Variants in PTPRN2 observed in about 807,000 individuals in gnomAD.
PTPRN2 encodes protein tyrosine phosphatase receptor type N2, also known as receptor-type tyrosine-protein phosphatase N2.
PTPRN2 carries 74 observed loss-of-function variants against 118.8 expected under a neutral mutation model. That is an observed-to-expected ratio of 0.62 (90% CI 0.52 to 0.76). PTPRN2 has a LOEUF of 0.76. PTPRN2 is among the 30% of genes least tolerant of loss of function. The pLI is 0.00. For synonymous variants in PTPRN2, 641 were observed against 608.0 expected (o/e 1.05, Z -0.80); for missense variants, 1,481 against 1,394.4 (o/e 1.06, Z -0.99).
chr7:158,105,090 C>T (rs1815565161), intron 10 of PTPRN2, among the ~76,000 whole-genome samples: 1 of 149,720 alleles, frequency 6.7e-6, no homozygotes, highest in African/African-American at 2.5e-5. Flanking sequence ...GCTCCATCCT[C>T]AGCTCCTTCC....
chr7:158,521,223 C>G (rs972317373), intron 1 of PTPRN2, among the ~76,000 whole-genome samples: 1 of 152,086 alleles, frequency 6.6e-6, no homozygotes, highest in Non-Finnish European at 1.5e-5. Context: ...TTGGTCGACT[C>G]AGGCAGAACC....
At chr7:158,132,615 CAT>C (rs1207831289) in intron 9 of PTPRN2, among the ~76,000 whole-genome samples, 34 of 151,962 alleles carry the variant, frequency 2.2e-4, no homozygotes, top group African/African-American at 8.2e-4. Context: ...GTCTACCCAA[CAT>C]ACACACTCAT....
At chr7:158,347,596 G>A (rs1304856878) in intron 2 of PTPRN2, among the ~76,000 whole-genome samples, 2 of 152,052 alleles carry the variant, frequency 1.3e-5, no homozygotes, top group East Asian at 1.9e-4. Context: ...GGTTTTATGT[G>A]GTTCCATATG....
rs1344022880 is a variant in PTPRN2, at chr7:158,234,710, C to T, written c.278-29437G>A. 2.0e-5 allele frequency among the ~76,000 whole-genome samples: 3 copies of T among 152,186 alleles called. 1 individual carries two copies. Among genetic ancestry groups the T allele is most frequent in the Non-Finnish European group, 4.4e-5 (3 of 68,030 alleles). ...ACAAATGGCCAACAGATATAGTCAT[C>T]AGAGAAATACAAATCAAAATCACAA... is the stretch of plus-strand genomic sequence containing the variant. On this transcript the variant is annotated intron_variant, in intron 3 of 22. Coordinates refer to ENST00000389418, the MANE Select transcript of PTPRN2 (RefSeq NM_002847.5).
intron 12 of PTPRN2, among the ~76,000 whole-genome samples, chr7:157,727,564 G>C (rs10236443): frequency 0.061 from 9,276 of 152,240 alleles, 499 homozygotes; most frequent in African/African-American, 0.14. Flanking sequence ...TGGGGACAGA[G>C]TTCCAGTTTG....
chr7:158,100,060 G>A (rs1815101454), intron 10 of PTPRN2, among the ~76,000 whole-genome samples: 1 of 151,800 alleles, frequency 6.6e-6, no homozygotes, highest in Non-Finnish European at 1.5e-5. Flanking sequence ...AGTCTCCAAA[G>A]TCCTTATGTC....
intron 21 of PTPRN2, among the ~76,000 whole-genome samples, chr7:157,552,269 A>T (rs1288128127): frequency 1.3e-5 from 2 of 152,200 alleles, no homozygotes; most frequent in African/African-American, 4.8e-5. Context: ...AACATAACTA[A>T]ATAGCTTCCC....
intron 1 of PTPRN2, among the ~76,000 whole-genome samples, chr7:158,516,575 C>T (rs1377273588): frequency 6.6e-6 from 1 of 151,184 alleles, no homozygotes; most frequent in Non-Finnish European, 1.5e-5. Context: ...GTTCTTGGTG[C>T]TCCTGCCTAT....
intron 2 of PTPRN2, among the ~76,000 whole-genome samples, chr7:158,395,726 AGGGGAGAGGGGAGAGG>A (rs1812399652): frequency 2.6e-5 from 1 of 39,166 alleles, no homozygotes; most frequent in African/African-American, 1.2e-4. Flanking sequence ...GCGAGGCGCG[AGGGGAGAGGGGAGAGG>A]GGCGAGGGGT....
At chr7:158,101,913 G>A (rs1185185144) in intron 10 of PTPRN2, among the ~76,000 whole-genome samples, 1 of 152,186 alleles carries the variant, frequency 6.6e-6, no homozygotes, top group Non-Finnish European at 1.5e-5. Flanking sequence ...CCAAAGCAGT[G>A]AGCAGCGGCA....
chr7:158,347,505 G>A, intron 2 of PTPRN2, among the ~76,000 whole-genome samples: 1 of 152,098 alleles, frequency 6.6e-6, no homozygotes, highest in Middle Eastern at 3.2e-3. Flanking sequence ...GGTTATTATA[G>A]TTTCATAGTA....
At chr7:157,723,633 A>T (rs375888021) in intron 12 of PTPRN2, among the ~76,000 whole-genome samples, 10 of 152,176 alleles carry the variant, frequency 6.6e-5, no homozygotes, top group African/African-American at 2.4e-4. Context: ...ATCCCACCCA[A>T]GTGACCTGCC....
intron 17 of PTPRN2, among the ~76,000 whole-genome samples, chr7:157,581,164 C>T (rs867892046): frequency 2.4e-4 from 36 of 152,264 alleles, no homozygotes; most frequent in African/African-American, 8.2e-4. Flanking sequence ...CACACCTGAG[C>T]CCCTGCACAT....
chr7:158,063,409 T>C (rs191698872), intron 11 of PTPRN2, among the ~76,000 whole-genome samples: 82 of 152,282 alleles, frequency 5.4e-4, no homozygotes, highest in South Asian at 1.7e-3. Flanking sequence ...CAATCAGCTC[T>C]CTGTAAAACA....
chr7:158,165,314 A>G (rs573260023), intron 6 of PTPRN2, among the ~76,000 whole-genome samples: 1 of 152,332 alleles, frequency 6.6e-6, no homozygotes, highest in South Asian at 2.1e-4. Flanking sequence ...TCCCAGAGGG[A>G]GAGGTGCTGG....
At chr7:157,595,346 A>G (rs758341725) in intron 16 of PTPRN2, 31 bp from the exon 17 acceptor site, 20 of 1,604,970 alleles carry the variant, frequency 1.2e-5, no homozygotes, top group Admixed American at 1.7e-5. Flanking sequence ...CACAGCGGTT[A>G]GCCAGGAGAT....
At chr7:157,725,376 C>CACCTCCCA (rs1210001391) in intron 12 of PTPRN2, among the ~76,000 whole-genome samples, 2 of 66,074 alleles carry the variant, frequency 3.0e-5, no homozygotes, top group African/African-American at 1.3e-4. Flanking sequence ...GCCAGACCCT[C>CACCTCCCA]GCCTCCCAGG....
At chr7:157,712,283 C>A (rs538483726) in intron 12 of PTPRN2, among the ~76,000 whole-genome samples, 23 of 152,306 alleles carry the variant, frequency 1.5e-4, no homozygotes, top group African/African-American at 5.5e-4. Flanking sequence ...TGAAAACCCT[C>A]ATTGAGCTCT....
intron 2 of PTPRN2, among the ~76,000 whole-genome samples, chr7:158,429,947 G>A (rs529864325): frequency 2.0e-4 from 30 of 152,040 alleles, no homozygotes; most frequent in African/African-American, 6.3e-4. Flanking sequence ...TCGCTCTGTC[G>A]TCCAGGCTGG....
Sources: allele counts gnomAD v4.1 joint callset (sites outside exome capture counted in the v4.1 genomes callset), GRCh38; gene constraint gnomAD v4.1.1; transcripts MANE v1.5; gene names NCBI Gene and HGNC (gene_info 2026-07-23, HGNC 2026-07-21).